DNAH8: variants seen among roughly 807,000 people sequenced by gnomAD.
DNAH8 encodes the protein dynein axonemal heavy chain 8, also known as axonemal beta dynein heavy chain 8.
In DNAH8, 382 loss-of-function variants were observed where a neutral mutation model predicts 562.1. That is an observed-to-expected ratio of 0.68 (90% CI 0.63 to 0.74). DNAH8 has a LOEUF of 0.74. DNAH8 is among the 30% of genes least tolerant of loss of function. The pLI, the probability that DNAH8 is intolerant of heterozygous loss-of-function variation, is 0.00. For synonymous variants in DNAH8, 1,881 were observed against 1,919.4 expected (o/e 0.98, Z 0.52); for missense variants, 5,203 against 5,620.4 (o/e 0.93, Z 2.37).
chr6:38,750,208 A>G (rs1765318125), intron 8 of DNAH8, among the ~76,000 whole-genome samples: 1 of 152,210 alleles, frequency 6.6e-6, no homozygotes, highest in Non-Finnish European at 1.5e-5. Flanking sequence ...TTAACCTGAA[A>G]AAGTCATTCC....
At chr6:38,904,810 AAAG>A (rs1780329535) in intron 62 of DNAH8, among the ~76,000 whole-genome samples, 1 of 151,696 alleles carries the variant, frequency 6.6e-6, no homozygotes, top group African/African-American at 2.4e-5. Context: ...AAAAAAAAAA[AAAG>A]AAAGAATCTG....
intron 23 of DNAH8, 75 bp downstream of exon 23, chr6:38,805,671 C>T: frequency 1.3e-6 from 1 of 783,150 alleles, no homozygotes; most frequent in African/African-American, 1.8e-5. Context: ...CCATATGGTG[C>T]TTTTTCCAGG....
intron 5 of DNAH8, among the ~76,000 whole-genome samples, chr6:38,735,542 T>A (rs765777929): frequency 6.6e-5 from 10 of 152,226 alleles, no homozygotes; most frequent in Non-Finnish European, 1.5e-4. Flanking sequence ...GTCCTGTAGT[T>A]TCACCACAAT....
At chr6:38,947,702 A>G (rs1447824544) in intron 80 of DNAH8, among the ~76,000 whole-genome samples, 1 of 151,672 alleles carries the variant, frequency 6.6e-6, no homozygotes, top group Non-Finnish European at 1.5e-5. Flanking sequence ...AGCTGCTGCA[A>G]TCTTCAGGAG....
chr6:38,918,205 C>A, intron 70 of DNAH8, 65 bp downstream of exon 70: 4 of 1,196,250 alleles, frequency 3.3e-6, no homozygotes, highest in Non-Finnish European at 4.8e-6. Flanking sequence ...AGTATTACTG[C>A]TATTAAAAGA....
chr6:38,774,304 A>G (rs909547723), intron 12 of DNAH8, among the ~76,000 whole-genome samples: 2 of 152,164 alleles, frequency 1.3e-5, no homozygotes, highest in African/African-American at 4.8e-5. Flanking sequence ...GTCTCCACTC[A>G]TGGTGATGCT....
rs369029994 is a variant in DNAH8 at position 38,910,554 on chromosome 6, T to G, written c.9740+810T>G. Among the ~76,000 whole-genome samples the G allele has an allele frequency of 7.2e-4, 109 of 152,350 alleles. 1 individual carries two copies. In the South Asian group the frequency reaches 0.022, roughly 31 times the overall value. ...TCTTGGTGAATCAGTGTATACTAATTCTTACTGTTAAGAAGATTTTCTTTC... is the reference window on the plus strand; with the variant it reads ...TCTTGGTGAATCAGTGTATACTAATGCTTACTGTTAAGAAGATTTTCTTTC... On this transcript the variant is annotated intron_variant, in intron 65 of 92. Coordinates refer to ENST00000327475, the MANE Select transcript of DNAH8 (RefSeq NM_001206927.2).
At chr6:38,764,755 G>A (rs1457192158) in intron 11 of DNAH8, 4 of 152,104 alleles carry the variant, frequency 2.6e-5, no homozygotes, top group African/African-American at 9.7e-5. Context: ...AATTGGAGAT[G>A]CTAAGCACCT....
intron 80 of DNAH8, among the ~76,000 whole-genome samples, chr6:38,946,243 T>C (rs919539527): frequency 6.6e-6 from 1 of 152,196 alleles, no homozygotes; most frequent in Non-Finnish European, 1.5e-5. Flanking sequence ...TTTCTATGGC[T>C]GCTAGTGACT....
intron 5 of DNAH8, among the ~76,000 whole-genome samples, chr6:38,734,860 C>T (rs1164981259): frequency 6.6e-6 from 1 of 152,102 alleles, no homozygotes; most frequent in Admixed American, 6.5e-5. Flanking sequence ...TGATGGTGTG[C>T]AAATAACACA....
intron 5 of DNAH8, 46 bp downstream of exon 5, chr6:38,734,671 A>G: frequency 3.8e-6 from 6 of 1,590,690 alleles, no homozygotes; most frequent in Non-Finnish European, 5.1e-6. Context: ...CATTGAATAT[A>G]TTTTTGTAGT....
rs1465517548 is a variant in DNAH8 at position 38,917,362 on chromosome 6, C to T, written c.10264C>T (p.Pro3422Ser). The T allele has an allele frequency of 6.2e-7, 1 of 1,613,542 alleles. No homozygotes were observed. Among genetic ancestry groups the T allele is most frequent in the Non-Finnish European group, 8.5e-7 (1 of 1,179,638 alleles). ...QKKIDPVTMD[P>S]EKSCCKPSWG... is the part of the protein sequence containing the mutation. ...GAAAATTGACCCTGTTACTATGGAT[C>T]CAGAAAAATCTTGCTGTAAGCCATC... is the stretch of plus-strand genomic sequence containing the variant. The change falls in exon 69 of 93, where the codon CCA becomes TCA. Residue 3422 changes from proline (P) to serine (S), a missense_variant. This residue lies in a region of DNAH8 where 87 missense variants were observed against 144.9 expected (regional missense o/e 0.60). Transcript: ENST00000327475.
intron 76 of DNAH8, among the ~76,000 whole-genome samples, chr6:38,935,379 G>A (rs1782867393): frequency 6.6e-6 from 1 of 152,124 alleles, no homozygotes. Context: ...AAGTGCTGTG[G>A]AACCTTAATG....
At chr6:38,947,513 G>A (rs1761530641) in intron 80 of DNAH8, among the ~76,000 whole-genome samples, 2 of 152,204 alleles carry the variant, frequency 1.3e-5, no homozygotes, top group Admixed American at 1.3e-4. Flanking sequence ...CTGTGGTCAA[G>A]TCAAAATTAG....
rs749316531 is a variant in DNAH8 at position 39,012,199 on chromosome 6, G to A, written c.13372-16G>A. The A allele has an allele frequency of 6.3e-7, 1 of 1,579,192 alleles. No homozygotes were observed. The highest frequency in any genetic ancestry group is 8.6e-7 in the Non-Finnish European group (1 of 1,156,964). On this transcript the variant is annotated splice_polypyrimidine_tract_variant and intron_variant, in intron 89 of 92. Transcript: ENST00000327475. Reference sequence around the variant, plus strand: ...ATGAGAAAATCTCCTTTATTGCATTGTTTACTTTGTTTTAGGTGAAATCTC... The same window carrying A: ...ATGAGAAAATCTCCTTTATTGCATTATTTACTTTGTTTTAGGTGAAATCTC...
At position 38,828,785 on chromosome 6, in the gene DNAH8, T is replaced by C. The variant is rs138578528; in HGVS notation, c.4188+497T>C. On this transcript the variant is annotated intron_variant, in intron 30 of 92. Coordinates refer to ENST00000327475, the MANE Select transcript of DNAH8 (RefSeq NM_001206927.2). ...CCATTTTAAAGCATACAATTCAGTG[T>C]TTTTTAGTATATTCACATTGTTGCT... 1.4e-3 allele frequency among the ~76,000 whole-genome samples: 211 copies of C among 152,288 alleles called. 1 individual carries two copies. The highest frequency in any genetic ancestry group is 4.6e-3 in the African/African-American group (193 of 41,572).
At chr6:38,889,744 G>T (rs1030403795) in intron 57 of DNAH8, among the ~76,000 whole-genome samples, 1 of 152,098 alleles carries the variant, frequency 6.6e-6, no homozygotes, top group African/African-American at 2.4e-5. Context: ...GGAAGCAAAC[G>T]GACTTTACAG....
At chr6:38,735,595 T>C (rs1166292399) in intron 5 of DNAH8, among the ~76,000 whole-genome samples, 1 of 152,240 alleles carries the variant, frequency 6.6e-6, no homozygotes, top group Non-Finnish European at 1.5e-5. Context: ...TTCCATTTCA[T>C]TAATTCTTTC....
At chr6:38,754,633 G>A (rs1479324651) in intron 9 of DNAH8, among the ~76,000 whole-genome samples, 1 of 152,068 alleles carries the variant, frequency 6.6e-6, no homozygotes, top group African/African-American at 2.4e-5. Context: ...GGATGCCATT[G>A]GCTTTGTCTG....
Sources: allele counts gnomAD v4.1 joint callset (sites outside exome capture counted in the v4.1 genomes callset), GRCh38; gene constraint gnomAD v4.1.1; regional missense constraint gnomAD v4.1.1; transcripts MANE v1.5; gene names NCBI Gene and HGNC (gene_info 2026-07-23, HGNC 2026-07-21).